UGT1A6: variants seen among roughly 807,000 people sequenced by gnomAD.
UGT1A6 encodes the protein UDP glucuronosyltransferase family 1 member A6.
Under a neutral mutation model 44.4 loss-of-function variants are expected in UGT1A6, and 32 were observed. That is an observed-to-expected ratio of 0.72 (90% confidence interval 0.54 to 0.97). The LOEUF is 0.97. Among genes scored for constraint, UGT1A6 ranks in the 50% least tolerant of loss-of-function variants. The pLI, the probability that UGT1A6 is intolerant of heterozygous loss-of-function variation, is 0.00. For synonymous variants in UGT1A6, 238 were observed against 248.5 expected (o/e 0.96, Z 0.40); for missense variants, 685 against 661.9 (o/e 1.03, Z -0.38).
chr2:233,695,628 G>A (rs1370697803), intron 1 of UGT1A6, among the ~76,000 whole-genome samples: 1 of 151,214 alleles, frequency 6.6e-6, no homozygotes, highest in African/African-American at 2.4e-5. Flanking sequence ...CTACCTCCAT[G>A]AGACCCACTT....
chr2:233,725,068 TCGCAGGCAC>T (rs1237971327), intron 1 of UGT1A6, among the ~76,000 whole-genome samples: 1 of 146,188 alleles, frequency 6.8e-6, no homozygotes, highest in South Asian at 2.4e-4. Context: ...GCGCCTGCAA[TCGCAGGCAC>T]TCGGCAGGCT....
At chr2:233,704,378 C>T (rs113589213) in intron 1 of UGT1A6, among the ~76,000 whole-genome samples, 7 of 151,452 alleles carry the variant, frequency 4.6e-5, no homozygotes, top group African/African-American at 1.2e-4. Flanking sequence ...CTTAGCACAT[C>T]GATTTTAACT....
At chr2:233,762,315 G>A (rs565893517) in intron 1 of UGT1A6, among the ~76,000 whole-genome samples, 4 of 152,216 alleles carry the variant, frequency 2.6e-5, no homozygotes, top group Non-Finnish European at 4.4e-5. Flanking sequence ...TTAATGGGTC[G>A]AGAGTAATCC....
intron 1 of UGT1A6, among the ~76,000 whole-genome samples, chr2:233,719,971 C>T (rs1172487413): frequency 6.6e-6 from 1 of 152,170 alleles, no homozygotes; most frequent in Non-Finnish European, 1.5e-5. Context: ...GCATGTCCTT[C>T]AGCTCGGCAG....
At chr2:233,732,983 C>T (rs930118681) in intron 1 of UGT1A6, among the ~76,000 whole-genome samples, 9 of 152,090 alleles carry the variant, frequency 5.9e-5, no homozygotes, top group South Asian at 2.1e-4. Flanking sequence ...TCTTTTATTT[C>T]GTTGAGCAGT....
intron 1 of UGT1A6, among the ~76,000 whole-genome samples, chr2:233,698,385 C>T (rs935574429): frequency 2.0e-5 from 3 of 152,082 alleles, no homozygotes; most frequent in East Asian, 1.9e-4. Context: ...TTCACTTTAG[C>T]GTGGTGAATT....
chr2:233,700,401 A>G (rs1465367852), intron 1 of UGT1A6, among the ~76,000 whole-genome samples: 1 of 152,186 alleles, frequency 6.6e-6, no homozygotes, highest in Non-Finnish European at 1.5e-5. Flanking sequence ...ACATTTTGGC[A>G]GCAGTGTTTC....
rs567044237 is a variant in UGT1A6 at position 233,708,043 on chromosome 2, C to A, written c.861+14178C>A. 5.3e-5 allele frequency among the ~76,000 whole-genome samples: 8 copies of A among 152,266 alleles called. No homozygotes were observed. In the East Asian group the frequency reaches 1.5e-3, roughly 29 times the overall value. Reference sequence around the variant, plus strand: ...AGTTCTTTGGCAGTTATAGATATTGCAAATATCTTCCCCCACTCTGCATCT... The same window carrying A: ...AGTTCTTTGGCAGTTATAGATATTGAAAATATCTTCCCCCACTCTGCATCT... On this transcript the variant is annotated intron_variant, in intron 1 of 4. Transcript: ENST00000305139.
At chr2:233,720,432 T>G (rs1054639821) in intron 1 of UGT1A6, among the ~76,000 whole-genome samples, 2 of 151,984 alleles carry the variant, frequency 1.3e-5, no homozygotes, top group Non-Finnish European at 2.9e-5. Flanking sequence ...GATAAGACCG[T>G]GAATCTATAA....
intron 1 of UGT1A6, among the ~76,000 whole-genome samples, chr2:233,761,544 A>G (rs745620081): frequency 8.5e-5 from 13 of 152,226 alleles, no homozygotes; most frequent in Non-Finnish European, 1.6e-4. Context: ...TCATTCTTTG[A>G]TGATGATAGA....
intron 1 of UGT1A6, among the ~76,000 whole-genome samples, chr2:233,704,154 G>C (rs577048588): frequency 7.5e-4 from 114 of 151,806 alleles, no homozygotes; most frequent in Middle Eastern, 3.4e-3. Flanking sequence ...GCCTTTCAAA[G>C]TACTGGGATT....
intron 1 of UGT1A6, among the ~76,000 whole-genome samples, chr2:233,697,329 T>C (rs545927444): frequency 6.6e-6 from 1 of 152,134 alleles, no homozygotes; most frequent in Non-Finnish European, 1.5e-5. Flanking sequence ...TTTGGAAATG[T>C]ATCCATTTCC....
chr2:233,716,164 G>C (rs1445096027), intron 1 of UGT1A6, among the ~76,000 whole-genome samples: 2 of 152,102 alleles, frequency 1.3e-5, no homozygotes, highest in African/African-American at 4.8e-5. Context: ...TGGAGATGCA[G>C]TGCAGCATCT....
intron 1 of UGT1A6, among the ~76,000 whole-genome samples, chr2:233,756,539 T>G (rs1346299785): frequency 6.6e-6 from 1 of 152,226 alleles, no homozygotes; most frequent in Non-Finnish European, 1.5e-5. Context: ...TTTTCTTGAC[T>G]GCTAAAACAA....
chr2:233,772,237 A>G (rs1390917406), intron 4 of UGT1A6, 25 bp from the exon 5 acceptor site: 5 of 1,614,058 alleles, frequency 3.1e-6, no homozygotes, highest in Middle Eastern at 1.7e-4. Context: ...TGTTCCAGGC[A>G]TAACGAAACT....
intron 1 of UGT1A6, among the ~76,000 whole-genome samples, chr2:233,732,434 T>A (rs2078271939): frequency 6.6e-6 from 1 of 152,264 alleles, no homozygotes; most frequent in African/African-American, 2.4e-5. Context: ...AGGATTTTTA[T>A]GGTTTTAGGT....
intron 1 of UGT1A6, among the ~76,000 whole-genome samples, chr2:233,720,939 G>T (rs28899186): frequency 0.081 from 11,996 of 147,890 alleles, 613 homozygotes; most frequent in East Asian, 0.2. Context: ...TTGAACTCCT[G>T]ACCTCATGTG....
chr2:233,772,287 T>C lies in UGT1A6; in HGVS notation c.1327T>C (p.Ser443Pro), dbSNP rs1575870013. 1 of 1,614,254 alleles carries C rather than the reference T, an allele frequency of 6.2e-7. No individual in the cohort carries two copies. ...TTACAAGGAGAACATCATGCGCCTC[T>C]CCAGCCTTCACAAGGACCGCCCGGT... ...KSYKENIMRL[S>P]SLHKDRPVEP... is the part of the protein sequence containing the mutation. The change falls in exon 5 of 5, where the codon TCC (serine) becomes CCC (proline). Residue 443 changes from serine (S) to proline (P), a missense_variant. Transcript: ENST00000305139.
chr2:233,755,298 C>A, intron 1 of UGT1A6: 1 of 620,154 alleles, frequency 1.6e-6, no homozygotes. Flanking sequence ...CTGCGGGGCA[C>A]TGGCACAGCG....
Sources: allele counts gnomAD v4.1 joint callset (sites outside exome capture counted in the v4.1 genomes callset), GRCh38; gene constraint gnomAD v4.1.1; transcripts MANE v1.5; gene names NCBI Gene and HGNC (gene_info 2026-07-23, HGNC 2026-07-21).